The following RELN variants were observed in gnomAD, a reference collection of about 807,000 sequenced individuals.
The protein encoded by RELN is reelin.
RELN carries 108 observed loss-of-function variants against 427.6 expected under a neutral mutation model. The ratio of observed to expected loss-of-function variants is 0.25; its 90% CI spans 0.22 to 0.30. The LOEUF (loss-of-function observed/expected upper bound fraction) is 0.30. Ranked by LOEUF, RELN falls within the 10% of genes least tolerant of loss-of-function variation. RELN has a pLI of 1.00. For synonymous variants in RELN, 1,524 were observed against 1,513.4 expected (o/e 1.01, Z -0.16); for missense variants, 3,715 against 4,302.8 (o/e 0.86, Z 3.82).
intron 4 of RELN, among the ~76,000 whole-genome samples, chr7:103,772,939 T>G (rs1431690975): frequency 1.3e-5 from 2 of 152,078 alleles, no homozygotes; most frequent in African/African-American, 2.4e-5. Flanking sequence ...CATATTTCCA[T>G]TTTAGAAAGC....
intron 51 of RELN, among the ~76,000 whole-genome samples, chr7:103,505,255 C>T (rs1484648695): frequency 6.6e-6 from 1 of 152,190 alleles, no homozygotes; most frequent in African/African-American, 2.4e-5. Flanking sequence ...AACCCTGACC[C>T]CTGTGTATCC....
At chr7:103,806,929 C>T (rs564187680) in intron 3 of RELN, among the ~76,000 whole-genome samples, 1 of 152,160 alleles carries the variant, frequency 6.6e-6, no homozygotes, top group South Asian at 2.1e-4. Context: ...CATGCAAGCA[C>T]TGGAACTAGG....
intron 37 of RELN, among the ~76,000 whole-genome samples, chr7:103,557,510 A>G (rs1055382320): frequency 3.9e-5 from 6 of 152,234 alleles, no homozygotes; most frequent in Admixed American, 1.3e-4. Context: ...ATAAACAGAA[A>G]AACTGTTTGA....
At chr7:103,949,095 A>G (rs1266683304) in intron 1 of RELN, among the ~76,000 whole-genome samples, 1 of 151,638 alleles carries the variant, frequency 6.6e-6, no homozygotes, top group Non-Finnish European at 1.5e-5. Context: ...ACATGCACAC[A>G]CACACGCACA....
Position 103,553,821 on chromosome 7 carries a change from T to C in RELN, c.5808A>G (p.Glu1936=). ...TGAAGTCATCAACAATCCAGATTTC[T>C]TCTTTCTTACCTAAGGCATTTTTGG... The part of the protein sequence containing the change: ...LWQPYNNGKK[E]EIWIVDDFII... Residue 1936 remains glutamate (E), a synonymous_variant, in exon 39 of 65, where the codon GAA becomes GAG. Coordinates refer to ENST00000428762, the MANE Select transcript of RELN (RefSeq NM_005045.4). 1 of 1,614,030 alleles carries C rather than the reference T, an allele frequency of 6.2e-7. No homozygotes were observed. The highest frequency in any genetic ancestry group is 8.5e-7 in the Non-Finnish European group (1 of 1,179,918).
chr7:103,911,123 C>G lies in RELN; in HGVS notation c.337+5952G>C, dbSNP rs529044546. Among the ~76,000 whole-genome samples, 682 of 144,720 alleles carry G rather than the reference C, an allele frequency of 4.7e-3. 10 individuals are homozygous for G. The highest frequency in any genetic ancestry group is 0.028 in the Admixed American group (403 of 14,506). The allele number at this position is 144,720 out of a possible 152,430, so 94.9% of individuals were successfully genotyped here. A position where few individuals can be genotyped will look rare whatever the true frequency, so the allele number is the denominator to read the frequency against. On this transcript the variant is annotated intron_variant, in intron 2 of 64. Coordinates refer to ENST00000428762, the MANE Select transcript of RELN (RefSeq NM_005045.4). ...TACTCATCTGACAAAGGGCTAGTAT[C>G]CAGAATCTACAATGAACTCAAACAA...
At chr7:103,940,783 T>C (rs1197751051) in intron 1 of RELN, among the ~76,000 whole-genome samples, 2 of 152,208 alleles carry the variant, frequency 1.3e-5, no homozygotes, top group Non-Finnish European at 2.9e-5. Flanking sequence ...GATTGGATAA[T>C]GGATTCAGAG....
At chr7:103,485,795 TAC>T (rs1401479936) in intron 61 of RELN, among the ~76,000 whole-genome samples, 1 of 152,230 alleles carries the variant, frequency 6.6e-6, no homozygotes, top group African/African-American at 2.4e-5. Context: ...TTATTGTACT[TAC>T]ATAAGCTAAA....
chr7:103,624,779 C>CT (rs145004985), intron 20 of RELN, among the ~76,000 whole-genome samples: 2,639 of 152,174 alleles, frequency 0.017, 40 homozygotes, highest in Middle Eastern at 0.041. Flanking sequence ...TGCTCTTTTA[C>CT]TTTCTTTGTA....
chr7:103,532,961 A>G (rs1349093973), intron 46 of RELN, among the ~76,000 whole-genome samples: 1 of 152,184 alleles, frequency 6.6e-6, no homozygotes, highest in African/African-American at 2.4e-5. Flanking sequence ...TGAGTCAGGG[A>G]TCAGTTCAGC....
At chr7:103,709,100 A>T (rs1789723347) in intron 8 of RELN, among the ~76,000 whole-genome samples, 1 of 152,176 alleles carries the variant, frequency 6.6e-6, no homozygotes, top group African/African-American at 2.4e-5. Context: ...AAACTCCAGG[A>T]AGAGTGTCTT....
chr7:103,661,735 T>C (rs1222323446), intron 11 of RELN, among the ~76,000 whole-genome samples: 1 of 152,178 alleles, frequency 6.6e-6, no homozygotes, highest in Non-Finnish European at 1.5e-5. Context: ...ACATTCACAG[T>C]TATAGTTTTC....
chr7:103,928,150 C>G (rs1157859332), intron 1 of RELN, among the ~76,000 whole-genome samples: 1 of 152,078 alleles, frequency 6.6e-6, no homozygotes, highest in Non-Finnish European at 1.5e-5. Flanking sequence ...CACAGAAATG[C>G]TTAAGATATA....
intron 2 of RELN, among the ~76,000 whole-genome samples, chr7:103,862,597 AGGTTCTCTGAT>A (rs1794098845): frequency 6.6e-6 from 1 of 151,704 alleles, no homozygotes; most frequent in African/African-American, 2.4e-5. Context: ...TTCACCTTTC[AGGTTCTCTGAT>A]GGTTCCCACT....
Position 103,625,660 on chromosome 7 carries a change from C to G in RELN, c.2702+4280G>C, listed in dbSNP as rs114535557. On this transcript the variant is annotated intron_variant, in intron 20 of 64. Transcript: ENST00000428762. ...GCTCCCATTTTACAGATGAAAACCT[C>G]AGGTTCACATGTATCCCCCCTTTTT... 5.2e-4 allele frequency among the ~76,000 whole-genome samples: 79 copies of G among 151,852 alleles called. 1 individual carries two copies. The highest frequency in any genetic ancestry group is 1.8e-3 in the African/African-American group (74 of 41,430).
chr7:103,783,193 A>C (rs1358637797), intron 3 of RELN, among the ~76,000 whole-genome samples: 3 of 139,278 alleles, frequency 2.2e-5, no homozygotes, highest in African/African-American at 5.4e-5. Context: ...ACAAAGTCTC[A>C]CTATGTCACC....
At chr7:103,866,837 T>C (rs1341562919) in intron 2 of RELN, among the ~76,000 whole-genome samples, 1 of 152,056 alleles carries the variant, frequency 6.6e-6, no homozygotes, top group Non-Finnish European at 1.5e-5. Flanking sequence ...TCATCCTGTC[T>C]GCCCTCTATC....
intron 16 of RELN, among the ~76,000 whole-genome samples, chr7:103,645,480 A>G (rs1364126021): frequency 6.6e-6 from 1 of 151,926 alleles, no homozygotes; most frequent in African/African-American, 2.4e-5. Context: ...AGAAACAGCT[A>G]TACTTATCTA....
intron 6 of RELN, among the ~76,000 whole-genome samples, chr7:103,745,176 C>G (rs1790785162): frequency 6.6e-6 from 1 of 152,118 alleles, no homozygotes; most frequent in Non-Finnish European, 1.5e-5. Flanking sequence ...CCATGATTAT[C>G]TCAATAGATG....
Sources: gnomAD v4.1 joint callset for allele counts (sites outside exome capture counted in the v4.1 genomes callset) on GRCh38, gnomAD v4.1.1 for gene constraint, MANE v1.5 for transcripts, NCBI Gene and HGNC (gene_info 2026-07-23, HGNC 2026-07-21) for gene names.